The following TDRD15 variants were observed in gnomAD, a reference collection of about 807,000 sequenced individuals.
The protein encoded by TDRD15 is tudor domain containing 15.
For missense variants in TDRD15, 1,416 were observed against 904.7 expected, an observed-to-expected ratio of 1.57 and a Z score of -7.25; for synonymous variants, 503 against 314.5, an observed-to-expected ratio of 1.60 and a Z score of -6.34.
At chr2:21,127,022 G>A (rs1665611234) in intron 1 of TDRD15, among the ~76,000 whole-genome samples, 2 of 152,162 alleles carry the variant, frequency 1.3e-5, no homozygotes, top group African/African-American at 4.8e-5. Context: ...TAGTGGATGT[G>A]AAGTATTATC....
At position 21,137,783 on chromosome 2, in the gene TDRD15, CA is replaced by C. The variant is rs1665836415; in HGVS notation, c.317del (p.Gln106ArgfsTer16). On this transcript the variant is annotated frameshift_variant, in exon 4 of 4. Transcript: ENST00000405799. LOFTEE classifies it low-confidence loss of function (END_TRUNC). ...AGAAGAACTAAGAGTTGCTGGTCCA[CA>C]GATTGCTTCAGCCTGTGGCAATTTA... is the stretch of plus-strand genomic sequence containing the variant. ...RGEELRVAGP[Q>X]IASACGNLFE... 1.4e-6 allele frequency: 1 copy of C among 716,488 alleles called. No individual in the cohort carries two copies. Among genetic ancestry groups the C allele is most frequent in the African/African-American group, 1.7e-5 (1 of 57,164 alleles). 44.4% of individuals were successfully genotyped at this position (716,488 alleles called of 1,614,324 possible). A position where few individuals can be genotyped will look rare whatever the true frequency, so the allele number is the denominator to read the frequency against.
chr2:21,137,405 A>C (rs546830514), intron 3 of TDRD15, 60 bp from the exon 4 acceptor site: 1 of 560,984 alleles, frequency 1.8e-6, no homozygotes, highest in South Asian at 2.8e-5. Context: ...TATATGCCAA[A>C]CATAAGGCTA....
chr2:21,131,524 C>A (rs1377340159), intron 2 of TDRD15, among the ~76,000 whole-genome samples: 1 of 152,180 alleles, frequency 6.6e-6, no homozygotes, highest in Non-Finnish European at 1.5e-5. Context: ...TTAACGTTCT[C>A]CTTCCTTCTC....
rs1220949497 is a variant in TDRD15, at chr2:21,140,179, C to G, written c.2712C>G (p.Ala904=). 9.8e-6 allele frequency: 7 copies of G among 715,272 alleles called. 1 individual carries two copies. The highest frequency in any genetic ancestry group is 2.6e-6 in the Non-Finnish European group (1 of 383,868). The allele number at this position is 715,272 out of a possible 1,614,324, so 44.3% of individuals were successfully genotyped here. A position where few individuals can be genotyped will look rare whatever the true frequency, so the allele number is the denominator to read the frequency against. The change falls in exon 4 of 4, where the codon GCC becomes GCG. Residue 904 remains alanine, a synonymous_variant. Coordinates refer to ENST00000405799, the MANE Select transcript of TDRD15 (RefSeq NM_001306137.2). ...GGTTATTGACTTGTATCATCTATGC[C>G]TTAGTTATTATACATCCAAACCATT... The part of the protein sequence containing the change: ...SRGLLTCIIY[A]LVIIHPNHLY...
intron 2 of TDRD15, among the ~76,000 whole-genome samples, chr2:21,132,341 T>G (rs1409495110): frequency 6.6e-6 from 1 of 152,158 alleles, no homozygotes. Flanking sequence ...TAGCATATTG[T>G]ATCTTATATT....
Position 21,138,634 on chromosome 2 carries a change from G to A in TDRD15, c.1167G>A (p.Trp389Ter). The A allele has an allele frequency of 1.4e-6, 1 of 713,352 alleles. No individual in the cohort carries two copies. The highest frequency in any genetic ancestry group is 2.6e-6 in the Non-Finnish European group (1 of 383,300). The allele number at this position is 713,352 out of a possible 1,614,324, so 44.2% of individuals were successfully genotyped here. A position where few individuals can be genotyped will look rare whatever the true frequency, so the allele number is the denominator to read the frequency against. ...LGQVVYAHID[W>*]FNKDECLYYV... The stretch of plus-strand genomic sequence containing the variant: ...AAGTGGTATATGCACACATTGATTG[G>A]TTCAATAAGGATGAGTGTTTGTATT... The change falls in exon 4 of 4, where the codon TGG (tryptophan) becomes TGA (stop). Residue 389 changes from tryptophan (W) to a stop codon, truncating the protein, a stop_gained. Transcript: ENST00000405799. LOFTEE classifies it low-confidence loss of function (END_TRUNC).
rs928870552 is a variant in TDRD15 at position 21,142,606 on chromosome 2, G to A, written c.5139G>A (p.Lys1713=). 3 of 712,724 alleles carry A rather than the reference G, an allele frequency of 4.2e-6. No homozygotes were observed. The highest frequency in any genetic ancestry group is 3.5e-5 in the African/African-American group (2 of 57,022). The allele number at this position is 712,724 out of a possible 1,614,324, so 44.1% of individuals were successfully genotyped here. Residue 1713 remains lysine, a synonymous_variant, in exon 4 of 4, where the codon AAG becomes AAA. Coordinates refer to ENST00000405799, the MANE Select transcript of TDRD15 (RefSeq NM_001306137.2). ...LAEIVYNIES[K]TPVSSCTIKS... is the part of the protein sequence containing the mutation. ...AAATTGTTTACAACATTGAATCTAA[G>A]ACTCCTGTATCATCATGCACAATAA...
rs532264244 is a variant in TDRD15, at chr2:21,138,084, A to G, written c.617A>G (p.Asp206Gly). Residue 206 changes from aspartate (D) to glycine (G), a missense_variant, in exon 4 of 4, where the codon GAT (aspartate) becomes GGT (glycine). Transcript: ENST00000405799. The stretch of plus-strand genomic sequence containing the variant: ...GAAGAATTCCCTCAACAAATGCCAG[A>G]TTTATTACAACATAAAAGGCCTGAA... ...MLEEFPQQMP[D>G]LLQHKRPELS... 3 of 716,186 alleles carry G rather than the reference A, an allele frequency of 4.2e-6. No homozygotes were observed. The African/African-American group carries it at 5.2e-5, about 13-fold the overall frequency. 44.4% of individuals were successfully genotyped at this position (716,186 alleles called of 1,614,324 possible). A position where few individuals can be genotyped will look rare whatever the true frequency, so the allele number is the denominator to read the frequency against.
intron 1 of TDRD15, among the ~76,000 whole-genome samples, chr2:21,126,442 C>T (rs1441586119): frequency 6.6e-6 from 1 of 151,930 alleles, no homozygotes; most frequent in Non-Finnish European, 1.5e-5. Flanking sequence ...CCTCGTCTCG[C>T]CGCAATCTCT....
At chr2:21,145,272 C>A (rs1666012887), downstream of TDRD15, among the ~76,000 whole-genome samples, 1 of 152,044 alleles carries the variant, frequency 6.6e-6, no homozygotes, top group Admixed American at 6.6e-5. Context: ...ACTCAGATTT[C>A]TCTGACTGAT....
downstream of TDRD15, among the ~76,000 whole-genome samples, chr2:21,146,834 A>G (rs914374918): frequency 2.0e-4 from 30 of 152,124 alleles, no homozygotes; most frequent in Non-Finnish European, 3.4e-4. Flanking sequence ...ACACAACACT[A>G]TTGAGTCATA....
Position 21,139,215 on chromosome 2 carries a change from T to C in TDRD15, c.1748T>C (p.Leu583Pro). 1.4e-6 allele frequency: 1 copy of C among 715,326 alleles called. No homozygotes were observed. The highest frequency in any genetic ancestry group is 1.5e-5 in the South Asian group (1 of 67,234). 44.3% of individuals were successfully genotyped at this position (715,326 alleles called of 1,614,324 possible). Residue 583 changes from leucine (L) to proline (P), a missense_variant, in exon 4 of 4, where the codon CTT (leucine) becomes CCT (proline). Transcript: ENST00000405799. ...CCATTTTTTGATGTAAAAATTTTGC[T>C]TCCAGAATTTTGTGAGTTGCCTGCC... ...SIPFFDVKILLPEFCELPALA... is the reference protein window; with the variant it reads ...SIPFFDVKILPPEFCELPALA...
rs1370136907 is a variant in TDRD15 at position 21,140,372 on chromosome 2, G to GTA, written c.2913_2914dup (p.Ser972TyrfsTer21). On this transcript the variant is annotated frameshift_variant, in exon 4 of 4. Transcript: ENST00000405799. LOFTEE classifies it low-confidence loss of function (END_TRUNC). ...TATACAAATTGGAAGTGAAGAAGAAGTATATATATCTCACATATATAGTCC... is the reference window on the plus strand; with the variant it reads ...TATACAAATTGGAAGTGAAGAAGAAGTATATATATATCTCACATATATAGTCC... 2.8e-6 allele frequency: 2 copies of GTA among 704,784 alleles called. No individual in the cohort carries two copies. The highest frequency in any genetic ancestry group is 1.8e-5 in the African/African-American group (1 of 56,444). The allele number at this position is 704,784 out of a possible 1,614,324, so 43.7% of individuals were successfully genotyped here.
At position 21,138,550 on chromosome 2, in the gene TDRD15, T is replaced by C; in HGVS notation, c.1083T>C (p.Ser361=). The change falls in exon 4 of 4, where the codon AGT becomes AGC. Residue 361 remains serine, a synonymous_variant. Coordinates refer to ENST00000405799, the MANE Select transcript of TDRD15 (RefSeq NM_001306137.2). ...SFPCSLTCLH[S]PDRDARIFQL... ...CATGTTCTCTGACATGTTTGCACAGTCCAGATAGAGATGCAAGAATATTTC... is the reference window on the plus strand; with the variant it reads ...CATGTTCTCTGACATGTTTGCACAGCCCAGATAGAGATGCAAGAATATTTC... 1.4e-6 allele frequency: 1 copy of C among 715,578 alleles called. No homozygotes were observed. Among genetic ancestry groups the C allele is most frequent in the Non-Finnish European group, 2.6e-6 (1 of 384,232 alleles). 44.3% of individuals were successfully genotyped at this position (715,578 alleles called of 1,614,324 possible).
intron 2 of TDRD15, among the ~76,000 whole-genome samples, chr2:21,131,979 A>G (rs1558296438): frequency 6.6e-6 from 1 of 152,048 alleles, no homozygotes; most frequent in East Asian, 1.9e-4. Context: ...GCTAGGGACT[A>G]TTAAGTTTGT....
In TDRD15 at chr2:21,141,291, C is replaced by G; in HGVS notation, c.3824C>G (p.Pro1275Arg). ...RALNQTTSQN[P>R]YDLIRPQIKD... Reference sequence around the variant, plus strand: ...TTAAATCAAACAACCTCACAAAACCCATATGACCTTATTAGGCCACAGATC... The same window carrying G: ...TTAAATCAAACAACCTCACAAAACCGATATGACCTTATTAGGCCACAGATC... The change falls in exon 4 of 4, where the codon CCA (proline) becomes CGA (arginine). Residue 1275 changes from proline to arginine, a missense_variant. By Grantham distance (103) the Pro-to-Arg change is moderately radical. Coordinates refer to ENST00000405799, the MANE Select transcript of TDRD15 (RefSeq NM_001306137.2). 1.4e-6 allele frequency: 1 copy of G among 714,364 alleles called. No individual in the cohort carries two copies. The highest frequency in any genetic ancestry group is 2.3e-4 in the Middle Eastern group (1 of 4,356). 44.3% of individuals were successfully genotyped at this position (714,364 alleles called of 1,614,324 possible). A position where few individuals can be genotyped will look rare whatever the true frequency, so the allele number is the denominator to read the frequency against.
In TDRD15 at chr2:21,140,923, C is replaced by T. The variant is rs1665910656; in HGVS notation, c.3456C>T (p.Cys1152=). ...AAAGACATTGTGACCAAGCATGCTG[C>T]ATGGAAAAGAGTAATAAAATAAATG... ...YGKRHCDQAC[C]MEKSNKINEN... The change falls in exon 4 of 4, where the codon TGC becomes TGT. Residue 1152 remains cysteine, a synonymous_variant. Coordinates refer to ENST00000405799, the MANE Select transcript of TDRD15 (RefSeq NM_001306137.2). 1.4e-6 allele frequency: 1 copy of T among 707,640 alleles called. No individual in the cohort carries two copies. Among genetic ancestry groups the T allele is most frequent in the Non-Finnish European group, 2.6e-6 (1 of 381,844 alleles). The allele number at this position is 707,640 out of a possible 1,614,324, so 43.8% of individuals were successfully genotyped here.
intron 2 of TDRD15, among the ~76,000 whole-genome samples, chr2:21,130,049 A>G (rs1022610500): frequency 1.3e-5 from 2 of 152,178 alleles, no homozygotes; most frequent in Non-Finnish European, 2.9e-5. Context: ...TAACCCATGA[A>G]TGGATTAATT....
At position 21,142,297 on chromosome 2, in the gene TDRD15, A is replaced by T; in HGVS notation, c.4830A>T (p.Val1610=). The stretch of plus-strand genomic sequence containing the variant: ...ATGATAAAGTACTTGTTTTTTTAGT[A>T]GATTGTGGTATCTATGAAATAGTAC... ...YVDDKVLVFL[V]DCGIYEIVPV... is the part of the protein sequence containing the mutation. Residue 1610 remains valine, a synonymous_variant, in exon 4 of 4, where the codon GTA becomes GTT. Coordinates refer to ENST00000405799, the MANE Select transcript of TDRD15 (RefSeq NM_001306137.2). 1 of 688,464 alleles carries T rather than the reference A, an allele frequency of 1.5e-6. No individual in the cohort carries two copies. Among genetic ancestry groups the T allele is most frequent in the Admixed American group, 2.4e-5 (1 of 41,434 alleles). 42.6% of individuals were successfully genotyped at this position (688,464 alleles called of 1,614,324 possible).
Sources: allele counts gnomAD v4.1 joint callset (sites outside exome capture counted in the v4.1 genomes callset), GRCh38; gene constraint gnomAD v4.1.1; transcripts MANE v1.5; gene names NCBI Gene and HGNC (gene_info 2026-07-23, HGNC 2026-07-21).